Variants in CAV1 observed in about 807,000 individuals in gnomAD.
CAV1 encodes caveolin 1.
CAV1 carries 10 observed loss-of-function variants against 16.5 expected under a neutral mutation model. The observed-to-expected ratio is 0.61, with a 90% CI of 0.37 to 1.03. The LOEUF (loss-of-function observed/expected upper bound fraction) is 1.03, where lower values mean the gene tolerates loss of function less well. Ranked by LOEUF, CAV1 falls within the 50% of genes least tolerant of loss-of-function variation. The probability of loss-of-function intolerance (pLI) is 0.01; values close to 1 mark genes in which losing one functional copy is unlikely to be tolerated. For missense variants in CAV1, 212 were observed against 232.8 expected, an observed-to-expected ratio of 0.91 and a Z score of 0.58; for synonymous variants, 76 against 85.1, an observed-to-expected ratio of 0.89 and a Z score of 0.59.
At chr7:116,556,731 CTTTGGTAATAGACTATT>C (rs1220496970) in intron 2 of CAV1, among the ~76,000 whole-genome samples, 1 of 152,118 alleles carries the variant, frequency 6.6e-6, no homozygotes, top group Non-Finnish European at 1.5e-5. Flanking sequence ...TCCTAACCTT[CTTTGGTAATAGACTATT>C]TTTTAATAAA....
chr7:116,554,014 C>A (rs1481942902), intron 2 of CAV1, among the ~76,000 whole-genome samples: 1 of 152,174 alleles, frequency 6.6e-6, no homozygotes, highest in East Asian at 1.9e-4. Flanking sequence ...GAATTGCAAT[C>A]CTGTGCTGCC....
At chr7:116,549,363 T>A (rs1794113616) in intron 2 of CAV1, among the ~76,000 whole-genome samples, 1 of 152,162 alleles carries the variant, frequency 6.6e-6, no homozygotes, top group African/African-American at 2.4e-5. Context: ...CTTCAACCTA[T>A]ATTTTCTAAA....
intron 2 of CAV1, among the ~76,000 whole-genome samples, chr7:116,553,753 G>A (rs1420924872): frequency 1.3e-5 from 2 of 152,136 alleles, no homozygotes; most frequent in Non-Finnish European, 2.9e-5. Flanking sequence ...AGTCCCCTAG[G>A]AAACGGGACT....
intron 2 of CAV1, among the ~76,000 whole-genome samples, chr7:116,530,769 T>C (rs899390060): frequency 6.9e-6 from 1 of 144,234 alleles, no homozygotes; most frequent in Admixed American, 6.8e-5. Context: ...CTGATCATAG[T>C]AAAATGCGGA....
chr7:116,544,048 G>T (rs1793992144), intron 2 of CAV1, among the ~76,000 whole-genome samples: 1 of 152,098 alleles, frequency 6.6e-6, no homozygotes, highest in South Asian at 2.1e-4. Flanking sequence ...AAACATGAAG[G>T]CGTTTGAATT....
intron 2 of CAV1, among the ~76,000 whole-genome samples, chr7:116,532,194 A>G (rs953650255): frequency 2.6e-5 from 4 of 152,192 alleles, no homozygotes; most frequent in African/African-American, 9.6e-5. Context: ...GGTTGGCTAC[A>G]CTTTTAAGGG....
At position 116,560,158 on chromosome 7, in the gene CAV1, A is replaced by G. The variant is rs999491517; in HGVS notation, c.*871A>G. ...AGTGGGTATGGTTGACACTAGCCCAATGAAATGAATTAAAGTGGACCAATA... is the reference window on the plus strand; with the variant it reads ...AGTGGGTATGGTTGACACTAGCCCAGTGAAATGAATTAAAGTGGACCAATA... On this transcript the variant is annotated 3_prime_UTR_variant, in exon 3 of 3. Transcript: ENST00000341049. The G allele has an allele frequency of 7.5e-5, 19 of 254,406 alleles. No individual in the cohort carries two copies. Among genetic ancestry groups the G allele is most frequent in the African/African-American group, 2.4e-4 (11 of 45,406 alleles). 15.8% of individuals were successfully genotyped at this position (254,406 alleles called of 1,614,324 possible).
In CAV1 at chr7:116,560,352, G is replaced by A. The variant is rs1043282251; in HGVS notation, c.*1065G>A. ...GGGTGGTTTAGTGGCTCAACATTGT[G>A]TTCCCATTTCAGCTGATCAGTGGGC... On this transcript the variant is annotated 3_prime_UTR_variant, in exon 3 of 3. Transcript: ENST00000341049. The A allele has an allele frequency of 7.2e-5, 11 of 152,284 alleles. No homozygotes were observed. The highest frequency in any genetic ancestry group is 2.4e-4 in the African/African-American group (10 of 41,450). The allele number at this position is 152,284 out of a possible 1,614,324, so 9.4% of individuals were successfully genotyped here.
chr7:116,559,761 T>G lies in CAV1; in HGVS notation c.*474T>G, dbSNP rs1794369430. On this transcript the variant is annotated 3_prime_UTR_variant, in exon 3 of 3. Transcript: ENST00000341049. ...TTCAGCAAACTCTTTTCCCACTGTT[T>G]AAGGAGTTAGTGGATTACTGCCATT... The G allele has an allele frequency of 7.0e-6, 3 of 428,208 alleles. No individual in the cohort carries two copies. The highest frequency in any genetic ancestry group is 1.2e-5 in the Non-Finnish European group (3 of 244,700). The allele number at this position is 428,208 out of a possible 1,614,324, so 26.5% of individuals were successfully genotyped here. A position where few individuals can be genotyped will look rare whatever the true frequency, so the allele number is the denominator to read the frequency against.
At chr7:116,533,295 G>A (rs1220294151) in intron 2 of CAV1, among the ~76,000 whole-genome samples, 3 of 150,996 alleles carry the variant, frequency 2.0e-5, no homozygotes, top group East Asian at 1.9e-4. Flanking sequence ...CCAAGATTGC[G>A]CCACTGCACT....
chr7:116,556,141 A>C (rs1214579409), intron 2 of CAV1, among the ~76,000 whole-genome samples: 1 of 152,254 alleles, frequency 6.6e-6, no homozygotes, highest in African/African-American at 2.4e-5. Flanking sequence ...AAATTTAGTA[A>C]GCAACTTAAA....
chr7:116,548,489 A>G (rs1319474083), intron 2 of CAV1, among the ~76,000 whole-genome samples: 2 of 152,190 alleles, frequency 1.3e-5, no homozygotes, highest in Non-Finnish European at 2.9e-5. Context: ...CTTGGATCAC[A>G]CACCCTTTCC....
intron 2 of CAV1, among the ~76,000 whole-genome samples, chr7:116,539,231 T>C (rs908411218): frequency 1.3e-5 from 2 of 152,152 alleles, no homozygotes; most frequent in African/African-American, 4.8e-5. Flanking sequence ...ATCTCTGCTG[T>C]GGCATTCATC....
chr7:116,541,421 T>G (rs1476833), intron 2 of CAV1, among the ~76,000 whole-genome samples: 125,416 of 152,124 alleles, frequency 0.82, 51,984 homozygotes, highest in East Asian at 0.95. Context: ...TAAGAAATAA[T>G]AGGAAAGGCT....
intron 2 of CAV1, among the ~76,000 whole-genome samples, chr7:116,530,028 A>G (rs1793651734): frequency 6.6e-6 from 1 of 152,186 alleles, no homozygotes; most frequent in African/African-American, 2.4e-5. Flanking sequence ...TATTTATTAA[A>G]CCCATGCAAT....
At chr7:116,528,906 T>C (rs1562827701) in intron 2 of CAV1, among the ~76,000 whole-genome samples, 2 of 152,198 alleles carry the variant, frequency 1.3e-5, no homozygotes, top group African/African-American at 4.8e-5. Context: ...CTGGGATCAC[T>C]GCAACCTCCA....
intron 2 of CAV1, among the ~76,000 whole-genome samples, chr7:116,551,102 A>G (rs1365208664): frequency 6.6e-6 from 1 of 152,206 alleles, no homozygotes; most frequent in Non-Finnish European, 1.5e-5. Context: ...TGCACGAGAC[A>G]AAGGGCAATC....
intron 2 of CAV1, chr7:116,542,573 G>A (rs2116022240): frequency 6.6e-6 from 1 of 152,222 alleles, no homozygotes; most frequent in Non-Finnish European, 1.5e-5. Flanking sequence ...CCTCATCTGG[G>A]GAGGTCCTTG....
intron 2 of CAV1, among the ~76,000 whole-genome samples, chr7:116,546,079 G>A (rs879835540): frequency 6.6e-6 from 1 of 152,132 alleles, no homozygotes; most frequent in Non-Finnish European, 1.5e-5. Context: ...CTCTGTTCAA[G>A]TTCGCTAACT....
Sources: gnomAD v4.1 joint callset for allele counts (sites outside exome capture counted in the v4.1 genomes callset) on GRCh38, gnomAD v4.1.1 for gene constraint, MANE v1.5 for transcripts, NCBI Gene and HGNC (gene_info 2026-07-23, HGNC 2026-07-21) for gene names.